The following PARD3 variants were observed in gnomAD, a reference collection of about 807,000 sequenced individuals.
PARD3 encodes partitioning defective 3 homolog.
Under a neutral mutation model 155.4 loss-of-function variants are expected in PARD3, and 75 were observed. The ratio of observed to expected loss-of-function variants is 0.48; its 90% confidence interval spans 0.40 to 0.58. PARD3 has a LOEUF of 0.58. PARD3 is among the 20% of genes least tolerant of loss of function. The pLI is 0.00. For synonymous variants in PARD3, 576 were observed against 610.5 expected (o/e 0.94, Z 0.83); for missense variants, 1,642 against 1,721.7 (o/e 0.95, Z 0.82).
At chr10:34,426,026 A>C (rs1232107041) in intron 5 of PARD3, among the ~76,000 whole-genome samples, 1 of 152,198 alleles carries the variant, frequency 6.6e-6, no homozygotes, top group African/African-American at 2.4e-5. Context: ...ATCAATACTG[A>C]ACACCAAAGC....
chr10:34,341,787 T>C lies in PARD3; in HGVS notation c.2248A>G (p.Met750Val), dbSNP rs757545787. The C allele has an allele frequency of 2.5e-6, 4 of 1,613,022 alleles. No homozygotes were observed. In the South Asian group the frequency reaches 4.4e-5, roughly 18 times the overall value. Residue 750 changes from methionine (M) to valine (V), a missense_variant, in exon 16 of 25, where the codon ATG becomes GTG. Coordinates refer to ENST00000374788, the MANE Select transcript of PARD3 (RefSeq NM_001184785.2). The part of the protein sequence containing the change: ...GKYQLSPTVN[M>V]PQDDTVIIED... ...ATAATGACAGTGTCATCTTGGGGCA[T>C]ATTCACTGTAGGGGACAGCTGGTAT...
intron 2 of PARD3, among the ~76,000 whole-genome samples, chr10:34,520,269 C>G (rs893934333): frequency 1.3e-5 from 2 of 152,124 alleles, no homozygotes; most frequent in Non-Finnish European, 2.9e-5. Context: ...CAGAAACCTG[C>G]TGACGTATAG....
intron 1 of PARD3, among the ~76,000 whole-genome samples, chr10:34,745,009 G>A (rs1218809388): frequency 6.6e-6 from 1 of 152,120 alleles, no homozygotes; most frequent in Admixed American, 6.5e-5. Flanking sequence ...CCAGTCTCTG[G>A]CCTGACCCCA....
At chr10:34,627,465 T>C (rs575389762) in intron 2 of PARD3, among the ~76,000 whole-genome samples, 45 of 152,300 alleles carry the variant, frequency 3.0e-4, no homozygotes, top group African/African-American at 9.4e-4. Context: ...AATGAGGTCA[T>C]TAGGGTGAGC....
At chr10:34,348,415 C>T (rs758612624) in intron 14 of PARD3, among the ~76,000 whole-genome samples, 7 of 151,982 alleles carry the variant, frequency 4.6e-5, no homozygotes, top group African/African-American at 9.7e-5. Context: ...CCAATTTGAC[C>T]GTTAGTGTCT....
At chr10:34,433,379 T>C (rs1395354819) in intron 5 of PARD3, among the ~76,000 whole-genome samples, 1 of 152,186 alleles carries the variant, frequency 6.6e-6, no homozygotes, top group Non-Finnish European at 1.5e-5. Context: ...CTTTTAAAAA[T>C]AACAAATACA....
rs774551239 is a variant in PARD3, at chr10:34,707,244, C to CAA, written c.121-10827_121-10826dup. Among the ~76,000 whole-genome samples, 95 of 102,888 alleles carry CAA rather than the reference C, an allele frequency of 9.2e-4. 1 individual carries two copies. The highest frequency in any genetic ancestry group is 3.0e-3 in the African/African-American group (84 of 28,096). The allele number at this position is 102,888 out of a possible 152,430, so 67.5% of individuals were successfully genotyped here. On this transcript the variant is annotated intron_variant, in intron 1 of 24. Transcript: ENST00000374788. ...TGGGTGACAGAGTGAGACCCTGTCT[C>CAA]AAAAAAAAAAAAAGAAAAGAAGAAA...
chr10:34,755,130 G>A (rs527892527), intron 1 of PARD3, among the ~76,000 whole-genome samples: 3 of 151,576 alleles, frequency 2.0e-5, no homozygotes, highest in South Asian at 2.1e-4. Context: ...GGCTGGGCGC[G>A]GTGGCTCATG....
intron 2 of PARD3, among the ~76,000 whole-genome samples, chr10:34,593,901 T>C (rs1039184545): frequency 6.6e-6 from 1 of 152,170 alleles, no homozygotes; most frequent in Admixed American, 6.5e-5. Flanking sequence ...GACCGGAGAT[T>C]TCTGAGAAGC....
intron 2 of PARD3, among the ~76,000 whole-genome samples, chr10:34,581,397 G>A (rs2087471296): frequency 6.6e-6 from 1 of 151,594 alleles, no homozygotes; most frequent in South Asian, 2.1e-4. Flanking sequence ...ACTGCGCCCG[G>A]CTAATTTTTT....
intron 23 of PARD3, among the ~76,000 whole-genome samples, chr10:34,131,000 C>T (rs1289472620): frequency 6.6e-6 from 1 of 152,066 alleles, no homozygotes; most frequent in African/African-American, 2.4e-5. Context: ...TTTGGGGCTG[C>T]AGTAAGCTAT....
In PARD3 at chr10:34,170,962, A is replaced by G. The variant is rs2570327; in HGVS notation, c.3420-39379T>C. On this transcript the variant is annotated intron_variant, in intron 22 of 24. Transcript: ENST00000374788. ...CTTTCATTTACCAATGGCTACTCAGAGCTGTAATCAAGCCAGGTCGTCTTA... is the reference window on the plus strand; with the variant it reads ...CTTTCATTTACCAATGGCTACTCAGGGCTGTAATCAAGCCAGGTCGTCTTA... 6.6e-3 allele frequency among the ~76,000 whole-genome samples: 1,010 copies of G among 152,312 alleles called. 11 individuals are homozygous for G. The highest frequency in any genetic ancestry group is 0.022 in the African/African-American group (931 of 41,566).
intron 1 of PARD3, among the ~76,000 whole-genome samples, chr10:34,722,021 A>G (rs534721081): frequency 1.1e-4 from 16 of 152,218 alleles, no homozygotes; most frequent in African/African-American, 3.9e-4. Flanking sequence ...CTAAAAAAAT[A>G]TAATAATAAA....
In PARD3 at chr10:34,559,053, GA is replaced by G. The variant is rs1251210493; in HGVS notation, c.223-41895del. ...TGAAAACTCATTTTTCCCCCCCACA[GA>G]ATTAGCCTCTAAGGCCTTTTGCACT... On this transcript the variant is annotated intron_variant, in intron 2 of 24. Coordinates refer to ENST00000374788, the MANE Select transcript of PARD3 (RefSeq NM_001184785.2). 4.0e-5 allele frequency among the ~76,000 whole-genome samples: 6 copies of G among 150,290 alleles called. No individual in the cohort carries two copies. The East Asian group carries it at 1.2e-3, about 29-fold the overall frequency.
rs1171166605 is a variant in PARD3 at position 34,577,773 on chromosome 10, A to G, written c.223-60614T>C. ...ACGTGGGTACATAGATGGATTCTTT[A>G]AATTTTAAGATGAGGGCTTTATGCT... On this transcript the variant is annotated intron_variant, in intron 2 of 24. Coordinates refer to ENST00000374788, the MANE Select transcript of PARD3 (RefSeq NM_001184785.2). Among the ~76,000 whole-genome samples, 6 of 152,208 alleles carry G rather than the reference A, an allele frequency of 3.9e-5. No individual in the cohort carries two copies. The East Asian group carries it at 1.2e-3, about 29-fold the overall frequency.
chr10:34,681,001 G>A (rs1376912630), intron 2 of PARD3, among the ~76,000 whole-genome samples: 1 of 150,668 alleles, frequency 6.6e-6, no homozygotes, highest in Non-Finnish European at 1.5e-5. Context: ...AAAAAAAGAA[G>A]CTACATAACC....
chr10:34,611,936 C>G (rs1178726763), intron 2 of PARD3, among the ~76,000 whole-genome samples: 44 of 133,038 alleles, frequency 3.3e-4, no homozygotes, highest in African/African-American at 1.2e-3. Flanking sequence ...CAGCGCCCCC[C>G]CTACCCCCCC....
intron 22 of PARD3, among the ~76,000 whole-genome samples, chr10:34,206,223 T>C (rs1293443707): frequency 6.6e-6 from 1 of 152,176 alleles, no homozygotes; most frequent in African/African-American, 2.4e-5. Flanking sequence ...TGGCAGTCAG[T>C]GGCACAGGCT....
intron 1 of PARD3, among the ~76,000 whole-genome samples, chr10:34,768,323 A>G (rs1838379412): frequency 6.6e-6 from 1 of 152,244 alleles, no homozygotes; most frequent in South Asian, 2.1e-4. Context: ...TATATGTAAG[A>G]TGAACATTGG....
Sources: allele counts gnomAD v4.1 joint callset (sites outside exome capture counted in the v4.1 genomes callset), GRCh38; gene constraint gnomAD v4.1.1; transcripts MANE v1.5; gene names NCBI Gene and HGNC (gene_info 2026-07-23, HGNC 2026-07-21).